Variants in DLGAP2 observed in about 807,000 individuals in gnomAD.
The protein encoded by DLGAP2 is DLG associated protein 2.
DLGAP2 carries 26 observed loss-of-function variants against 100.3 expected under a neutral mutation model. The observed-to-expected ratio is 0.26, with a 90% CI of 0.19 to 0.36. The LOEUF (loss-of-function observed/expected upper bound fraction) is 0.36. Ranked by LOEUF, DLGAP2 falls within the 10% of genes least tolerant of loss-of-function variation. The pLI is 1.00. For synonymous variants in DLGAP2, 886 were observed against 630.1 expected (o/e 1.41, Z -6.08); for missense variants, 1,858 against 1,453.2 (o/e 1.28, Z -4.53).
chr8:1,547,432 A>T (rs1361998267), intron 4 of DLGAP2, among the ~76,000 whole-genome samples: 1 of 151,320 alleles, frequency 6.6e-6, no homozygotes, highest in Non-Finnish European at 1.5e-5. Context: ...AGGGAGAGAG[A>T]GGAGGAGGCC....
chr8:1,298,416 C>T (rs534365123), intron 3 of DLGAP2, among the ~76,000 whole-genome samples: 1 of 152,250 alleles, frequency 6.6e-6, no homozygotes, highest in South Asian at 2.1e-4. Flanking sequence ...ACCAGGAAGC[C>T]CTGGATCACA....
At chr8:1,357,884 C>G (rs1034436835) in intron 3 of DLGAP2, among the ~76,000 whole-genome samples, 1 of 152,166 alleles carries the variant, frequency 6.6e-6, no homozygotes, top group Non-Finnish European at 1.5e-5. Context: ...TGCCCCTGCA[C>G]CTGCATCTAA....
At chr8:781,703 T>C (rs530165104) in intron 1 of DLGAP2, among the ~76,000 whole-genome samples, 1 of 152,326 alleles carries the variant, frequency 6.6e-6, no homozygotes, top group South Asian at 2.1e-4. Context: ...AGAACGAACT[T>C]ACTTCTTAGA....
rs1401641016 is a variant in DLGAP2 at position 1,704,162 on chromosome 8, C to T, written c.*2756C>T. 6.6e-6 allele frequency: 1 copy of T among 152,572 alleles called. No individual in the cohort carries two copies. Among genetic ancestry groups the T allele is most frequent in the Non-Finnish European group, 1.5e-5 (1 of 68,028 alleles). The allele number at this position is 152,572 out of a possible 1,614,324, so 9.5% of individuals were successfully genotyped here. A position where few individuals can be genotyped will look rare whatever the true frequency, so the allele number is the denominator to read the frequency against. ...TTCAGCCACTTCTAGCAGATCATGC[C>T]ATGGAGCTCACGACGTGTGACCATT... On this transcript the variant is annotated 3_prime_UTR_variant, in exon 15 of 15. Coordinates refer to ENST00000637795, the MANE Select transcript of DLGAP2 (RefSeq NM_001346810.2).
chr8:1,193,942 T>G (rs1797695207), intron 2 of DLGAP2, among the ~76,000 whole-genome samples: 1 of 152,098 alleles, frequency 6.6e-6, no homozygotes, highest in Non-Finnish European at 1.5e-5. Context: ...TTCTCAGTAA[T>G]TTAAGGTCTT....
chr8:1,556,916 C>T (rs190403586), intron 5 of DLGAP2, among the ~76,000 whole-genome samples: 88 of 152,260 alleles, frequency 5.8e-4, no homozygotes, highest in Admixed American at 1.0e-3. Context: ...AGCCATGCAC[C>T]CAGCATTTCT....
chr8:1,583,096 G>A (rs1414653228), intron 6 of DLGAP2, among the ~76,000 whole-genome samples: 1 of 152,204 alleles, frequency 6.6e-6, no homozygotes, highest in East Asian at 1.9e-4. Flanking sequence ...AGAATCCTGT[G>A]AAGCCATTTC....
chr8:1,327,426 C>G (rs2117050895), intron 3 of DLGAP2, among the ~76,000 whole-genome samples: 1 of 152,326 alleles, frequency 6.6e-6, no homozygotes, highest in African/African-American at 2.4e-5. Context: ...CCATCTCTTC[C>G]TTTGTCTTTT....
intron 2 of DLGAP2, among the ~76,000 whole-genome samples, chr8:1,115,773 A>C (rs777834225): frequency 6.6e-6 from 1 of 152,104 alleles, no homozygotes; most frequent in African/African-American, 2.4e-5. Context: ...GGTCAGCCAC[A>C]CTCATTTTAA....
At chr8:1,042,946 A>G (rs1273465524) in intron 2 of DLGAP2, among the ~76,000 whole-genome samples, 5 of 45,836 alleles carry the variant, frequency 1.1e-4, no homozygotes, top group Non-Finnish European at 1.6e-4. Flanking sequence ...TGGGTGGTGG[A>G]TATGGCTGGT....
chr8:1,542,292 A>G (rs1424833863), intron 4 of DLGAP2, among the ~76,000 whole-genome samples: 2 of 152,230 alleles, frequency 1.3e-5, no homozygotes, highest in Non-Finnish European at 2.9e-5. Flanking sequence ...TTTAGGATGT[A>G]CAATTCGGTA....
At chr8:1,448,464 A>G (rs1584914599) in intron 3 of DLGAP2, among the ~76,000 whole-genome samples, 1 of 152,000 alleles carries the variant, frequency 6.6e-6, no homozygotes, top group East Asian at 1.9e-4. Context: ...GTTTGTTATA[A>G]TTTCTGTTCT....
Position 1,701,191 on chromosome 8 carries a change from G to C in DLGAP2, c.2953G>C (p.Glu985Gln), listed in dbSNP as rs1039331393. The change falls in exon 15 of 15, where the codon GAA becomes CAA. Residue 985 changes from glutamate (E) to glutamine (Q), a missense_variant. Physicochemically the swap from Glu to Gln is conservative, Grantham distance 29. Coordinates refer to ENST00000637795, the MANE Select transcript of DLGAP2 (RefSeq NM_001346810.2). ...KMMESPERKE[E>Q]RKVPPPIPKK... ...GGTGACTTGCGCTGCTTTTCAGGAAGAAAGAAAGGTCCCGCCTCCAATACC... is the reference window on the plus strand; with the variant it reads ...GGTGACTTGCGCTGCTTTTCAGGAACAAAGAAAGGTCCCGCCTCCAATACC... The C allele has an allele frequency of 1.9e-6, 3 of 1,558,314 alleles. No individual in the cohort carries two copies. Among genetic ancestry groups the C allele is most frequent in the African/African-American group, 1.4e-5 (1 of 72,862 alleles).
Position 1,178,109 on chromosome 8 carries a change from C to T in DLGAP2, c.74-80742C>T, listed in dbSNP as rs956836524. Among the ~76,000 whole-genome samples the T allele has an allele frequency of 5.9e-5, 9 of 152,272 alleles. No homozygotes were observed. The South Asian group carries it at 8.3e-4, about 14-fold the overall frequency. ...TGAGCTGGTGGTGTCAGAGTCATTA[C>T]CCCAGAATCCAAGGCCTTGGAGAGA... On this transcript the variant is annotated intron_variant, in intron 2 of 14. Coordinates refer to ENST00000637795, the MANE Select transcript of DLGAP2 (RefSeq NM_001346810.2).
At chr8:1,610,374 G>A (rs1478011723) in intron 6 of DLGAP2, among the ~76,000 whole-genome samples, 5 of 151,560 alleles carry the variant, frequency 3.3e-5, no homozygotes, top group Non-Finnish European at 5.9e-5. Context: ...GAATCTCTGG[G>A]ACGCATTCAA....
intron 3 of DLGAP2, among the ~76,000 whole-genome samples, chr8:1,358,989 A>T (rs1801916891): frequency 6.6e-6 from 1 of 152,170 alleles, no homozygotes. Context: ...TTCCCTGCAC[A>T]TCAGAAGCTG....
chr8:1,366,174 C>T (rs1802104101), intron 3 of DLGAP2, among the ~76,000 whole-genome samples: 1 of 152,304 alleles, frequency 6.6e-6, no homozygotes, highest in South Asian at 2.1e-4. Context: ...TCTCCTTTTC[C>T]CTCCATTTAA....
intron 3 of DLGAP2, among the ~76,000 whole-genome samples, chr8:1,306,301 G>A (rs909881446): frequency 7.9e-5 from 12 of 151,820 alleles, no homozygotes; most frequent in Non-Finnish European, 1.5e-5. Context: ...CTATCAGAAT[G>A]AACAATTTAA....
chr8:1,509,328 C>CA (rs11307586), intron 4 of DLGAP2, among the ~76,000 whole-genome samples: 3,296 of 137,584 alleles, frequency 0.024, 121 homozygotes, highest in African/African-American at 0.078. Flanking sequence ...AGACTCCGTC[C>CA]AAAAAAAAAA....
Sources: gnomAD v4.1 joint callset for allele counts (sites outside exome capture counted in the v4.1 genomes callset) on GRCh38, gnomAD v4.1.1 for gene constraint, MANE v1.5 for transcripts, NCBI Gene and HGNC (gene_info 2026-07-23, HGNC 2026-07-21) for gene names.